Variants in PRR27 observed in about 807,000 individuals in gnomAD.
PRR27 encodes proline-rich protein 27.
A neutral mutation model predicts 16.8 loss-of-function variants in PRR27; 12 were observed. That is an observed-to-expected ratio of 0.71 (90% CI 0.46 to 1.16). The LOEUF is 1.16. Among genes scored for constraint, PRR27 ranks in the 50% most tolerant of loss-of-function variants. PRR27 has a pLI of 0.00. For missense variants in PRR27, 277 were observed against 273.3 expected (o/e 1.01, Z -0.10); for synonymous variants, 100 against 98.4 (o/e 1.02, Z -0.10).
At chr4:70,155,949 C>A in intron 1 of PRR27, 105 bp from the exon 2 acceptor site, 1 of 668,778 alleles carries the variant, frequency 1.5e-6, no homozygotes, top group Non-Finnish European at 2.5e-6. Flanking sequence ...AAAAAATTAA[C>A]CATAAGTATT....
At chr4:70,161,401 A>G in intron 3 of PRR27, among the ~76,000 whole-genome samples, 185 bp from the exon 4 acceptor site, 1 of 151,502 alleles carries the variant, frequency 6.6e-6, no homozygotes, top group East Asian at 1.9e-4. Flanking sequence ...GAGTGATTCA[A>G]CCAGTTCTCT....
intron 4 of PRR27, among the ~76,000 whole-genome samples, chr4:70,162,419 T>G (rs1728669745): frequency 6.6e-6 from 1 of 152,226 alleles, no homozygotes; most frequent in African/African-American, 2.4e-5. Context: ...CCTTGACTAT[T>G]GCTATATTCT....
chr4:70,158,072 G>A (rs1728531198), intron 2 of PRR27, among the ~76,000 whole-genome samples: 1 of 152,092 alleles, frequency 6.6e-6, no homozygotes, highest in Non-Finnish European at 1.5e-5. Context: ...GCCTAGGTTA[G>A]CATATTCTGT....
intron 3 of PRR27, among the ~76,000 whole-genome samples, chr4:70,160,510 G>C (rs1166762118): frequency 6.9e-6 from 1 of 144,486 alleles, no homozygotes; most frequent in Admixed American, 7.2e-5. Context: ...CTCACTCCAG[G>C]CAGTATGCTA....
At chr4:70,161,706 A>T in intron 4 of PRR27, 76 bp downstream of exon 4, 1 of 647,268 alleles carries the variant, frequency 1.5e-6, no homozygotes, top group Non-Finnish European at 2.6e-6. Flanking sequence ...GCTACCTTGG[A>T]ATGTATTATA....
rs1728555654 is a variant in PRR27 at position 70,158,673 on chromosome 4, G to A, written c.421G>A (p.Ala141Thr). ...AEPAAAAPLT[A>T]TPVAAEPAAG... ...GCCTGCTGCAGCTGCACCTCTTACA[G>A]CCACACCTGTAGCAGCTGAGCCTGC... Residue 141 changes from alanine (A) to threonine (T), a missense_variant, in exon 3 of 5, where the codon GCC (alanine) becomes ACC (threonine). Physicochemically the swap from Ala to Thr is moderately conservative, Grantham distance 58 (BLOSUM62 0). Transcript: ENST00000344526. The A allele has an allele frequency of 3.1e-6, 5 of 1,613,936 alleles. No homozygotes were observed. Among genetic ancestry groups the A allele is most frequent in the Non-Finnish European group, 4.2e-6 (5 of 1,179,980 alleles).
At chr4:70,162,476 G>A (rs1560471071) in intron 4 of PRR27, among the ~76,000 whole-genome samples, 1 of 152,146 alleles carries the variant, frequency 6.6e-6, no homozygotes, top group Non-Finnish European at 1.5e-5. Context: ...CAATTGGCTA[G>A]TGAATTAGTT....
At position 70,165,267 on chromosome 4, in the gene PRR27, T is replaced by C. The variant is rs1433321332; in HGVS notation, c.*2606T>C. The C allele has an allele frequency of 6.6e-6, 1 of 152,114 alleles. No homozygotes were observed. Among genetic ancestry groups the C allele is most frequent in the Non-Finnish European group, 1.5e-5 (1 of 67,952 alleles). The allele number at this position is 152,114 out of a possible 1,614,324, so 9.4% of individuals were successfully genotyped here. A position where few individuals can be genotyped will look rare whatever the true frequency, so the allele number is the denominator to read the frequency against. On this transcript the variant is annotated 3_prime_UTR_variant, in exon 5 of 5. Coordinates refer to ENST00000344526, the MANE Select transcript of PRR27 (RefSeq NM_214711.4). ...TGCATTCAATTAGTCAAAAATGTTG[T>C]TAATTATACATTTTAAAGACTATTT... is the stretch of plus-strand genomic sequence containing the variant.
chr4:70,158,335 A>G lies in PRR27; in HGVS notation c.83A>G (p.Asn28Ser), dbSNP rs1352834941. 8 of 1,599,130 alleles carry G rather than the reference A, an allele frequency of 5.0e-6. No individual in the cohort carries two copies. Among genetic ancestry groups the G allele is most frequent in the Non-Finnish European group, 6.9e-6 (8 of 1,167,774 alleles). Residue 28 changes from asparagine (N) to serine (S), a missense_variant, in exon 3 of 5, where the codon AAT becomes AGT. Transcript: ENST00000344526. ...TCTTTGTTTCTCCTTTAGGATGACA[A>G]TGACGATGGTCACCCACTTCATCCA... The part of the protein sequence containing the change: ...RRFPFIGEDD[N>S]DDGHPLHPSL...
At chr4:70,159,757 T>G (rs1250684778) in intron 3 of PRR27, among the ~76,000 whole-genome samples, 3 of 152,180 alleles carry the variant, frequency 2.0e-5, no homozygotes, top group Non-Finnish European at 4.4e-5. Flanking sequence ...CTTTTACACT[T>G]TATTAAACAG....
At position 70,156,370 on chromosome 4, in the gene PRR27, A is replaced by G. The variant is rs17703232; in HGVS notation, c.75+293A>G. Among the ~76,000 whole-genome samples, 576 of 152,328 alleles carry G rather than the reference A, an allele frequency of 3.8e-3. 3 individuals carry two copies. Among genetic ancestry groups the G allele is most frequent in the Admixed American group, 5.2e-3 (80 of 15,294 alleles). The stretch of plus-strand genomic sequence containing the variant: ...GCCAAGGTTTTCCCCTCATGCCTCT[A>G]TTATACATTGTCAGTATGTCCTAAG... On this transcript the variant is annotated intron_variant, in intron 2 of 4. Transcript: ENST00000344526.
In PRR27 at chr4:70,158,422, A is replaced by G; in HGVS notation, c.170A>G (p.Asn57Ser). The G allele has an allele frequency of 1.2e-6, 2 of 1,613,940 alleles. No individual in the cohort carries two copies. Among genetic ancestry groups the G allele is most frequent in the Non-Finnish European group, 1.7e-6 (2 of 1,179,888 alleles). Residue 57 changes from asparagine to serine, a missense_variant, in exon 3 of 5, where the codon AAT becomes AGT. Physicochemically the swap from Asn to Ser is conservative, Grantham distance 46. Transcript: ENST00000344526. ...LPPPLYYRPV[N>S]TVPSYPGNTY... ...CCTCCTCTTTATTATCGCCCAGTGA[A>G]TACAGTCCCCAGTTACCCTGGGAAT... is the stretch of plus-strand genomic sequence containing the variant.
intron 2 of PRR27, among the ~76,000 whole-genome samples, chr4:70,156,295 G>A (rs1474605381): frequency 6.6e-6 from 1 of 152,160 alleles, no homozygotes; most frequent in Non-Finnish European, 1.5e-5. Context: ...TTTTTAATGA[G>A]CAAAAGCATT....
rs1728691244 is a variant in PRR27 at position 70,163,445 on chromosome 4, C to G, written c.*784C>G. Reference sequence around the variant, plus strand: ...TCTCCTGCCTCAGCCTCCTGAGTAGCCGGGATTACAGGTGTGTGCCACCAC... The same window carrying G: ...TCTCCTGCCTCAGCCTCCTGAGTAGGCGGGATTACAGGTGTGTGCCACCAC... On this transcript the variant is annotated 3_prime_UTR_variant, in exon 5 of 5. Transcript: ENST00000344526. 2 of 152,314 alleles carry G rather than the reference C, an allele frequency of 1.3e-5. No individual in the cohort carries two copies. The highest frequency in any genetic ancestry group is 2.9e-5 in the Non-Finnish European group (2 of 68,416). 9.4% of individuals were successfully genotyped at this position (152,314 alleles called of 1,614,324 possible). A position where few individuals can be genotyped will look rare whatever the true frequency, so the allele number is the denominator to read the frequency against.
In PRR27 at chr4:70,165,444, G is replaced by A. The variant is rs550001662; in HGVS notation, c.*2783G>A. On this transcript the variant is annotated 3_prime_UTR_variant, in exon 5 of 5. Transcript: ENST00000344526. Reference sequence around the variant, plus strand: ...ATCACTGCATGTATTGTTTAATGTCGCTTTATGAATCCACCTTCTTCCTTA... The same window carrying A: ...ATCACTGCATGTATTGTTTAATGTCACTTTATGAATCCACCTTCTTCCTTA... 7 of 152,014 alleles carry A rather than the reference G, an allele frequency of 4.6e-5. No homozygotes were observed. In the South Asian group the frequency reaches 6.2e-4, roughly 13 times the overall value. 9.4% of individuals were successfully genotyped at this position (152,014 alleles called of 1,614,324 possible).
At chr4:70,157,406 T>G (rs577240595) in intron 2 of PRR27, among the ~76,000 whole-genome samples, 1 of 150,968 alleles carries the variant, frequency 6.6e-6, no homozygotes, top group East Asian at 1.9e-4. Context: ...AGGGACAATC[T>G]ACATTTATTG....
Position 70,166,232 on chromosome 4 carries a change from T to A in PRR27, c.*3571T>A, listed in dbSNP as rs1728763979. The A allele has an allele frequency of 6.6e-6, 1 of 152,062 alleles. No homozygotes were observed. The highest frequency in any genetic ancestry group is 1.5e-5 in the Non-Finnish European group (1 of 67,938). The allele number at this position is 152,062 out of a possible 1,614,324, so 9.4% of individuals were successfully genotyped here. ...TTTTATTTGACTAAAAAGTAAACTA[T>A]ATTTCCTACATTATGCTATAGAACT... On this transcript the variant is annotated 3_prime_UTR_variant, in exon 5 of 5. Coordinates refer to ENST00000344526, the MANE Select transcript of PRR27 (RefSeq NM_214711.4).
chr4:70,158,953 AG>A, intron 3 of PRR27, 53 bp downstream of exon 3: 48 of 1,226,214 alleles, frequency 3.9e-5, no homozygotes, highest in African/African-American at 6.2e-5. Context: ...GATTTGTAGA[AG>A]GGGAAAAAAA....
Position 70,158,352 on chromosome 4 carries a change from C to T in PRR27, c.100C>T (p.Leu34Phe). The change falls in exon 3 of 5, where the codon CTT (leucine) becomes TTT (phenylalanine). Residue 34 changes from leucine (L) to phenylalanine (F), a missense_variant. By Grantham distance (22) the Leu-to-Phe change is conservative. Transcript: ENST00000344526. ...GGATGACAATGACGATGGTCACCCA[C>T]TTCATCCATCTCTGAATATTCCTTA... is the stretch of plus-strand genomic sequence containing the variant. ...GEDDNDDGHPLHPSLNIPYGI... is the reference protein window; with the variant it reads ...GEDDNDDGHPFHPSLNIPYGI... 1 of 1,603,694 alleles carries T rather than the reference C, an allele frequency of 6.2e-7. No homozygotes were observed. The highest frequency in any genetic ancestry group is 1.3e-5 in the African/African-American group (1 of 74,836).
Sources: allele counts gnomAD v4.1 joint callset (sites outside exome capture counted in the v4.1 genomes callset), GRCh38; gene constraint gnomAD v4.1.1; transcripts MANE v1.5; gene names NCBI Gene and HGNC (gene_info 2026-07-23, HGNC 2026-07-21).